The following FRY variants were observed in gnomAD, a reference collection of about 807,000 sequenced individuals.
The protein encoded by FRY is FRY microtubule binding protein, also known as protein furry homolog.
A neutral mutation model predicts 348.4 loss-of-function variants in FRY; 128 were observed. The observed-to-expected ratio is 0.37, with a 90% CI of 0.32 to 0.43. FRY has a LOEUF of 0.43. Ranked by LOEUF, FRY falls within the 20% of genes least tolerant of loss-of-function variation. The pLI is 1.00. For synonymous variants in FRY, 1,370 were observed against 1,374.7 expected, an observed-to-expected ratio of 1.00 and a Z score of 0.08; for missense variants, 2,736 against 3,695.2, an observed-to-expected ratio of 0.74 and a Z score of 6.73.
At chr13:32,233,634 A>G (rs767537378) in intron 41 of FRY, among the ~76,000 whole-genome samples, 36 of 152,380 alleles carry the variant, frequency 2.4e-4, no homozygotes, top group Middle Eastern at 3.4e-3. Flanking sequence ...GAATAGATCC[A>G]CTAACAGCTT....
intron 4 of FRY, among the ~76,000 whole-genome samples, chr13:32,123,986 T>C (rs1057454585): frequency 6.6e-6 from 1 of 152,044 alleles, no homozygotes; most frequent in African/African-American, 2.4e-5. Flanking sequence ...AGGCATGGGC[T>C]ACCATGCCAC....
intron 1 of FRY, among the ~76,000 whole-genome samples, chr13:32,077,128 G>A (rs1875128233): frequency 6.6e-6 from 1 of 152,174 alleles, no homozygotes; most frequent in South Asian, 2.1e-4. Flanking sequence ...AGTGAAGCCA[G>A]TGTGCTCACA....
rs1241115802 is a variant in FRY, at chr13:32,237,612, C to T, written c.6044C>T (p.Ser2015Phe). 1.9e-6 allele frequency: 3 copies of T among 1,614,136 alleles called. No homozygotes were observed. The Admixed American group carries it at 5.0e-5, about 27-fold the overall frequency. ...CAGGCTTGTACCCAACAAGGCCTCT[C>T]CTCAAAAACCAGAAGCTCATCCTCC... is the stretch of plus-strand genomic sequence containing the variant. ...RIQACTQQGL[S>F]SKTRSSSSLK... The change falls in exon 44 of 61, where the codon TCC (serine) becomes TTC (phenylalanine). Residue 2015 changes from serine (S) to phenylalanine (F), a missense_variant. Transcript: ENST00000542859. The surrounding 1 kb of genome is among the most constrained non-coding windows in gnomAD (Gnocchi z 6.3).
At chr13:32,069,292 G>C (rs113576598) in intron 1 of FRY, among the ~76,000 whole-genome samples, 3 of 152,082 alleles carry the variant, frequency 2.0e-5, no homozygotes, top group Admixed American at 6.5e-5. Context: ...TTTCATTCAC[G>C]AGGGCAGAGA....
intron 4 of FRY, among the ~76,000 whole-genome samples, chr13:32,121,503 GT>G (rs1878650693): frequency 6.6e-6 from 1 of 152,040 alleles, no homozygotes; most frequent in Non-Finnish European, 1.5e-5. Flanking sequence ...ATCACATGTG[GT>G]TTTGATTTGC....
At chr13:32,201,831 A>G (rs1884046645) in intron 29 of FRY, 110 bp from the exon 30 acceptor site, 2 of 745,710 alleles carry the variant, frequency 2.7e-6, no homozygotes, top group Admixed American at 3.7e-5. Flanking sequence ...TAAGAATGTC[A>G]CTAATAAGTG....
intron 30 of FRY, 37 bp from the exon 31 acceptor site, chr13:32,202,319 T>C (rs1274845092): frequency 6.5e-7 from 1 of 1,531,280 alleles, no homozygotes; most frequent in African/African-American, 1.4e-5. Flanking sequence ...AGCTAATGCT[T>C]TTCATACTAC....
Position 32,161,180 on chromosome 13 carries a change from C to A in FRY, c.1821C>A (p.Thr607=). 1 of 1,613,148 alleles carries A rather than the reference C, an allele frequency of 6.2e-7. No homozygotes were observed. Among genetic ancestry groups the A allele is most frequent in the Non-Finnish European group, 8.5e-7 (1 of 1,179,304 alleles). ...AGCCAAAAATAGATCTTTTCAGGAC[C>A]TGTGTTGCTGCTATTCCTCGACTGC... ...ERKPKIDLFR[T]CVAAIPRLLP... Residue 607 remains threonine, a synonymous_variant, in exon 17 of 61, where the codon ACC becomes ACA. Coordinates refer to ENST00000542859, the MANE Select transcript of FRY (RefSeq NM_023037.3).
chr13:32,155,077 C>G (rs999270366), intron 14 of FRY, among the ~76,000 whole-genome samples: 2 of 152,098 alleles, frequency 1.3e-5, no homozygotes, highest in Non-Finnish European at 2.9e-5. Flanking sequence ...CCATTTGGAA[C>G]CCTGGGTGTT....
chr13:32,109,085 A>G (rs1005999212), intron 3 of FRY, among the ~76,000 whole-genome samples: 1 of 152,198 alleles, frequency 6.6e-6, no homozygotes, highest in Admixed American at 6.5e-5. Flanking sequence ...ATTCTAAGCT[A>G]AAGGGGCCTA....
intron 55 of FRY, among the ~76,000 whole-genome samples, chr13:32,269,347 A>G (rs79822895): frequency 0.019 from 2,848 of 152,198 alleles, 39 homozygotes; most frequent in Admixed American, 0.038. Context: ...GTACATTGCA[A>G]TTTCTTTTTA....
intron 19 of FRY, 132 bp downstream of exon 19, chr13:32,173,681 G>T (rs1285742984): frequency 6.7e-6 from 5 of 745,060 alleles, no homozygotes; most frequent in Non-Finnish European, 1.2e-5. Context: ...TCATTGTTAG[G>T]TTTTAAACTA....
intron 24 of FRY, among the ~76,000 whole-genome samples, chr13:32,183,363 G>C (rs540151968): frequency 6.6e-6 from 1 of 152,274 alleles, no homozygotes; most frequent in East Asian, 1.9e-4. Flanking sequence ...ACAAGGAGTT[G>C]AATGGCCAAG....
intron 1 of FRY, among the ~76,000 whole-genome samples, chr13:32,058,705 A>G (rs1289099512): frequency 6.6e-6 from 1 of 152,210 alleles, no homozygotes; most frequent in African/African-American, 2.4e-5. Flanking sequence ...GGGGATAGTC[A>G]GGTGAGGTGG....
At position 32,182,980 on chromosome 13, in the gene FRY, A is replaced by G. The variant is rs1882802123; in HGVS notation, c.3000A>G (p.Glu1000=). The part of the protein sequence containing the change: ...FGRTNSLVFR[E]LVEELHPLMK... ...ATTTGACCTTTTTCCTCCACAGAGA[A>G]TTGGTAGAAGAACTTCATCCATTAA... is the stretch of plus-strand genomic sequence containing the variant. Residue 1000 remains glutamate (E), a synonymous_variant, in exon 24 of 61, where the codon GAA becomes GAG. Transcript: ENST00000542859. 6.3e-7 allele frequency: 1 copy of G among 1,598,974 alleles called. No individual in the cohort carries two copies. Among genetic ancestry groups the G allele is most frequent in the Non-Finnish European group, 8.6e-7 (1 of 1,166,854 alleles).
chr13:32,297,547 A>G lies in FRY; in HGVS notation c.*2087A>G, dbSNP rs986699801. 16 of 152,188 alleles carry G rather than the reference A, an allele frequency of 1.1e-4. No individual in the cohort carries two copies. The highest frequency in any genetic ancestry group is 3.6e-4 in the African/African-American group (15 of 41,442). 9.4% of individuals were successfully genotyped at this position (152,188 alleles called of 1,614,324 possible). A position where few individuals can be genotyped will look rare whatever the true frequency, so the allele number is the denominator to read the frequency against. ...TCAACAGTACATTACAATCCAAGAT[A>G]TTAACATAGGAAGCAGTGGTCTGTG... On this transcript the variant is annotated 3_prime_UTR_variant, in exon 61 of 61. Transcript: ENST00000542859.
intron 14 of FRY, among the ~76,000 whole-genome samples, chr13:32,152,328 G>A (rs1014596944): frequency 6.6e-6 from 1 of 152,122 alleles, no homozygotes; most frequent in Non-Finnish European, 1.5e-5. Flanking sequence ...TTTTGTAAAA[G>A]AAGAATAAAA....
chr13:32,064,339 T>G (rs1874116177), intron 1 of FRY, among the ~76,000 whole-genome samples: 1 of 152,090 alleles, frequency 6.6e-6, no homozygotes, highest in South Asian at 2.1e-4. Context: ...TCAACAGTTA[T>G]TTCTAGTTCT....
chr13:32,289,002 A>T (rs2138644612), intron 58 of FRY, among the ~76,000 whole-genome samples: 1 of 152,354 alleles, frequency 6.6e-6, no homozygotes, highest in South Asian at 2.1e-4. Context: ...TTCGAGAGGT[A>T]TTTATGTGGC....
Sources: allele counts gnomAD v4.1 joint callset (sites outside exome capture counted in the v4.1 genomes callset), GRCh38; gene constraint gnomAD v4.1.1; non-coding constraint Gnocchi (gnomAD v3.1); transcripts MANE v1.5; gene names NCBI Gene and HGNC (gene_info 2026-07-23, HGNC 2026-07-21).